The following NID2 variants were observed in gnomAD, a reference collection of about 807,000 sequenced individuals.
The protein encoded by NID2 is nidogen 2.
NID2 carries 83 observed loss-of-function variants against 145.4 expected under a neutral mutation model. The ratio of observed to expected loss-of-function variants is 0.57; its 90% CI spans 0.48 to 0.69. The LOEUF is 0.69. Ranked by LOEUF, NID2 falls within the 30% of genes least tolerant of loss-of-function variation. The probability of loss-of-function intolerance (pLI) is 0.00; values close to 1 mark genes in which losing one functional copy is unlikely to be tolerated. For synonymous variants in NID2, 739 were observed against 701.3 expected, an observed-to-expected ratio of 1.05 and a Z score of -0.85; for missense variants, 1,807 against 1,765.7, an observed-to-expected ratio of 1.02 and a Z score of -0.42.
At chr14:52,022,422 A>G (rs953107185) in intron 12 of NID2, among the ~76,000 whole-genome samples, 3 of 152,198 alleles carry the variant, frequency 2.0e-5, no homozygotes, top group Admixed American at 2.0e-4. Flanking sequence ...ACCATGATAG[A>G]GACTAGAGTC....
At chr14:52,011,985 C>G in intron 16 of NID2, 1 of 264,822 alleles carries the variant, frequency 3.8e-6, no homozygotes, top group Non-Finnish European at 7.3e-6. Context: ...GTAAAGTGTC[C>G]TAATCAGTAA....
At position 52,019,255 on chromosome 14, in the gene NID2, CGCT is replaced by C. The variant is rs1566747643; in HGVS notation, c.2831_2833del (p.Gln944del). 1.9e-6 allele frequency: 3 copies of C among 1,604,026 alleles called. No individual in the cohort carries two copies. On this transcript the variant is annotated inframe_deletion, in exon 14 of 22. Coordinates refer to ENST00000216286, the MANE Select transcript of NID2 (RefSeq NM_007361.4). ...GTAGGCATACTGGGCCTGGGCATGGCGCTGCTGTTGTTCACAGGGTGTCAGGCT... is the reference window on the plus strand; with the variant it reads ...GTAGGCATACTGGGCCTGGGCATGGCGCTGTTGTTCACAGGGTGTCAGGCT...
chr14:52,017,966 G>A (rs549993074), intron 14 of NID2, among the ~76,000 whole-genome samples: 9 of 152,178 alleles, frequency 5.9e-5, no homozygotes, highest in South Asian at 4.1e-4. Context: ...CTACAGGTGC[G>A]TGCCACCACG....
At chr14:52,068,189 T>C (rs1182426255) in intron 1 of NID2, 26 bp from the exon 2 acceptor site, 2 of 1,605,354 alleles carry the variant, frequency 1.2e-6, no homozygotes, top group Non-Finnish European at 1.7e-6. Context: ...GACAAAAAGG[T>C]GACAGTCGCT....
chr14:52,011,460 A>C (rs1463773140), intron 17 of NID2, 94 bp downstream of exon 17: 6 of 1,510,058 alleles, frequency 4.0e-6, no homozygotes, highest in East Asian at 2.3e-5. Context: ...AACCTCCCCT[A>C]ATGGAGAAAA....
At position 52,054,062 on chromosome 14, in the gene NID2, C is replaced by G. The variant is rs756045456; in HGVS notation, c.1027G>C (p.Asp343His). 1.2e-6 allele frequency: 2 copies of G among 1,614,140 alleles called. No homozygotes were observed. Among genetic ancestry groups the G allele is most frequent in the East Asian group, 4.5e-5 (2 of 44,878 alleles). ...TCCACTTTGGATTGGAAGGAAACAT[C>G]AATGCTGCTGTGGCCATTCAATGCC... ...EEALNGHSSI[D>H]VSFQSKVDTK... Residue 343 changes from aspartate (D) to histidine (H), a missense_variant, in exon 4 of 22, where the codon GAT (aspartate) becomes CAT (histidine). Physicochemically the swap from Asp to His is moderately conservative, Grantham distance 81 (BLOSUM62 -1). Coordinates refer to ENST00000216286, the MANE Select transcript of NID2 (RefSeq NM_007361.4).
At chr14:52,020,897 CCAT>C (rs1296684458) in intron 12 of NID2, among the ~76,000 whole-genome samples, 1 of 152,184 alleles carries the variant, frequency 6.6e-6, no homozygotes, top group Non-Finnish European at 1.5e-5. Flanking sequence ...TTAATTTTCA[CCAT>C]CATATTTCTC....
At chr14:52,035,807 T>C (rs1296012240) in intron 9 of NID2, among the ~76,000 whole-genome samples, 2 of 149,554 alleles carry the variant, frequency 1.3e-5, no homozygotes, top group Admixed American at 6.7e-5. Context: ...GCCTCCTGAG[T>C]AGCTGGGACT....
rs572346297 is a variant in NID2 at position 52,027,793 on chromosome 14, G to A, written c.2531-449C>T. Among the ~76,000 whole-genome samples the A allele has an allele frequency of 3.7e-4, 55 of 148,310 alleles. 1 individual carries two copies. In the East Asian group the frequency reaches 9.9e-3, roughly 27 times the overall value. On this transcript the variant is annotated intron_variant, in intron 11 of 21. Coordinates refer to ENST00000216286, the MANE Select transcript of NID2 (RefSeq NM_007361.4). Reference sequence around the variant, plus strand: ...GGCTGGAGTACAGTGGCGTGATCTCGGCTCACTGCAACCTCCAACTCCCTG... The same window carrying A: ...GGCTGGAGTACAGTGGCGTGATCTCAGCTCACTGCAACCTCCAACTCCCTG...
Position 52,054,327 on chromosome 14 carries a change from T to G in NID2, c.768-6A>C. ...GGATCCCCAGGTTGCTTAGTCTAAATAAAAAGGAAACAGTCATTGTAACAA... is the reference window on the plus strand; with the variant it reads ...GGATCCCCAGGTTGCTTAGTCTAAAGAAAAAGGAAACAGTCATTGTAACAA... On this transcript the variant is annotated splice_region_variant and splice_polypyrimidine_tract_variant and intron_variant, in intron 3 of 21. Coordinates refer to ENST00000216286, the MANE Select transcript of NID2 (RefSeq NM_007361.4). 6.2e-7 allele frequency: 1 copy of G among 1,604,712 alleles called. No individual in the cohort carries two copies. Among genetic ancestry groups the G allele is most frequent in the Non-Finnish European group, 8.5e-7 (1 of 1,174,372 alleles).
chr14:52,064,564 G>A (rs952162133), intron 2 of NID2, among the ~76,000 whole-genome samples: 1 of 152,162 alleles, frequency 6.6e-6, no homozygotes, highest in African/African-American at 2.4e-5. Flanking sequence ...TCATGACCCA[G>A]TCACCTTTCA....
At chr14:52,032,213 T>C (rs188753287) in intron 9 of NID2, among the ~76,000 whole-genome samples, 23 of 152,360 alleles carry the variant, frequency 1.5e-4, no homozygotes, top group Admixed American at 1.2e-3. Flanking sequence ...AATATTCCCG[T>C]ATTATTGATT....
chr14:52,038,750 T>C lies in NID2; in HGVS notation c.2254A>G (p.Lys752Glu). 2.6e-6 allele frequency: 4 copies of C among 1,565,568 alleles called. 1 individual carries two copies. The highest frequency in any genetic ancestry group is 3.5e-6 in the Non-Finnish European group (4 of 1,157,476). Residue 752 changes from lysine (K) to glutamate (E), a missense_variant, in exon 9 of 22, where the codon AAA becomes GAA. Lys to Glu is a moderately conservative substitution (Grantham distance 56, BLOSUM62 1). Transcript: ENST00000216286. The part of the protein sequence containing the change: ...FAVTNQIGPV[K>E]EDSDPTPGNP... ...ACAACAAAAAAGGAAACCTTACCTT[T>C]GACCGGGCCAATTTGATTGGTCACA...
chr14:52,049,709 A>G (rs922170544), intron 5 of NID2, among the ~76,000 whole-genome samples: 5 of 151,966 alleles, frequency 3.3e-5, no homozygotes, highest in Admixed American at 3.3e-4. Context: ...TCCAGTTTTC[A>G]TGTTTGTTTA....
Position 52,005,400 on chromosome 14 carries a change from T to C in NID2, c.*86A>G. The C allele has an allele frequency of 7.4e-7, 1 of 1,353,466 alleles. No individual in the cohort carries two copies. Among genetic ancestry groups the C allele is most frequent in the Non-Finnish European group, 9.9e-7 (1 of 1,011,208 alleles). 83.8% of individuals were successfully genotyped at this position (1,353,466 alleles called of 1,614,324 possible). On this transcript the variant is annotated 3_prime_UTR_variant, in exon 22 of 22. Transcript: ENST00000216286. Reference sequence around the variant, plus strand: ...AGGAACGTCTAATGGCCAATTCCTTTTTTACTTTCTTTGCCTTTGCAGTCA... The same window carrying C: ...AGGAACGTCTAATGGCCAATTCCTTCTTTACTTTCTTTGCCTTTGCAGTCA...
intron 5 of NID2, among the ~76,000 whole-genome samples, chr14:52,053,054 T>A (rs1163174733): frequency 6.6e-6 from 1 of 152,072 alleles, no homozygotes; most frequent in African/African-American, 2.4e-5. Context: ...GACACAGGTG[T>A]TTAGTCATTT....
At chr14:52,007,768 G>A (rs1890847084) in intron 19 of NID2, 42 bp downstream of exon 19, 3 of 1,534,534 alleles carry the variant, frequency 2.0e-6, no homozygotes, top group Non-Finnish European at 2.7e-6. Context: ...CACATTCACT[G>A]TGATGAGAGG....
intron 2 of NID2, among the ~76,000 whole-genome samples, chr14:52,064,985 A>G (rs1422562824): frequency 6.6e-6 from 1 of 152,206 alleles, no homozygotes; most frequent in Non-Finnish European, 1.5e-5. Context: ...TCTCCCATCA[A>G]TAAGTATTTC....
chr14:52,045,553 G>GAAAAAA (rs34942105), intron 5 of NID2, among the ~76,000 whole-genome samples: 1 of 33,636 alleles, frequency 3.0e-5, no homozygotes. Context: ...ACTCAAGGCA[G>GAAAAAA]AAAAAAAAAA....
Sources: gnomAD v4.1 joint callset for allele counts (sites outside exome capture counted in the v4.1 genomes callset) on GRCh38, gnomAD v4.1.1 for gene constraint, MANE v1.5 for transcripts, NCBI Gene and HGNC (gene_info 2026-07-23, HGNC 2026-07-21) for gene names.